The following CAPRIN1 variants were observed in gnomAD, a reference collection of about 807,000 sequenced individuals.
The protein encoded by CAPRIN1 is caprin-1.
Under a neutral mutation model 100.9 loss-of-function variants are expected in CAPRIN1, and 29 were observed. The ratio of observed to expected loss-of-function variants is 0.29; its 90% CI spans 0.21 to 0.39. The LOEUF is 0.39. CAPRIN1 is among the 10% of genes least tolerant of loss of function. CAPRIN1 has a pLI of 1.00. For synonymous variants in CAPRIN1, 338 were observed against 307.5 expected, an observed-to-expected ratio of 1.10 and a Z score of -1.04; for missense variants, 795 against 876.7, an observed-to-expected ratio of 0.91 and a Z score of 1.18.
intron 2 of CAPRIN1, among the ~76,000 whole-genome samples, chr11:34,054,096 C>T (rs536643495): frequency 7.2e-5 from 11 of 152,192 alleles, no homozygotes; most frequent in Middle Eastern, 3.4e-3. Flanking sequence ...ATGTTTAGGT[C>T]TTATTAATTT....
intron 2 of CAPRIN1, chr11:34,056,361 A>G (rs192899224): frequency 1.3e-5 from 2 of 152,362 alleles, no homozygotes; most frequent in East Asian, 3.9e-4. Flanking sequence ...TTTATTTCCT[A>G]ATAATTTGAG....
chr11:34,093,586 A>G (rs979252731), intron 15 of CAPRIN1, among the ~76,000 whole-genome samples: 2 of 152,332 alleles, frequency 1.3e-5, no homozygotes, highest in African/African-American at 4.8e-5. Context: ...GTAAATTCTT[A>G]CACATCCTGT....
Position 34,100,731 on chromosome 11 carries a change from T to A in CAPRIN1, c.*1364T>A, listed in dbSNP as rs1565100793. Reference sequence around the variant, plus strand: ...AGATGCATAGGGAGAGTCTCTAAATTTGATGGAAATGGACACTTGAGTAGT... The same window carrying A: ...AGATGCATAGGGAGAGTCTCTAAATATGATGGAAATGGACACTTGAGTAGT... On this transcript the variant is annotated 3_prime_UTR_variant, in exon 19 of 19. Transcript: ENST00000341394. 1 of 152,586 alleles carries A rather than the reference T, an allele frequency of 6.6e-6. No homozygotes were observed. 9.5% of individuals were successfully genotyped at this position (152,586 alleles called of 1,614,324 possible).
At chr11:34,074,619 A>G (rs1850871639) in intron 4 of CAPRIN1, among the ~76,000 whole-genome samples, 1 of 152,136 alleles carries the variant, frequency 6.6e-6, no homozygotes, top group African/African-American at 2.4e-5. Context: ...GTGGTTGCTC[A>G]CGCCTGTAAC....
intron 4 of CAPRIN1, among the ~76,000 whole-genome samples, chr11:34,075,324 A>C (rs1488960734): frequency 6.6e-6 from 1 of 152,052 alleles, no homozygotes; most frequent in Admixed American, 6.6e-5. Context: ...AAGGGGGAAA[A>C]GGTGGAAAGG....
chr11:34,065,442 G>A (rs1008601375), intron 2 of CAPRIN1, among the ~76,000 whole-genome samples: 1 of 152,188 alleles, frequency 6.6e-6, no homozygotes, highest in African/African-American at 2.4e-5. Flanking sequence ...CAAATTGCTG[G>A]GTTCCCCCAG....
chr11:34,090,465 G>T, intron 13 of CAPRIN1, 64 bp from the exon 14 acceptor site: 1 of 1,548,176 alleles, frequency 6.5e-7, no homozygotes, highest in Non-Finnish European at 8.9e-7. Context: ...TAGTACATCT[G>T]TTCACTTTTT....
intron 4 of CAPRIN1, 131 bp downstream of exon 4, chr11:34,072,118 A>G: frequency 3.3e-6 from 2 of 606,372 alleles, no homozygotes; most frequent in South Asian, 4.5e-5. Context: ...AGATGCCTTC[A>G]CATTCTGTAA....
rs550166036 is a variant in CAPRIN1 at position 34,094,563 on chromosome 11, C to T, written c.1706-1916C>T. Among the ~76,000 whole-genome samples, 37 of 152,222 alleles carry T rather than the reference C, an allele frequency of 2.4e-4. No homozygotes were observed. In the East Asian group the frequency reaches 7.2e-3, roughly 30 times the overall value. ...TGGTGGCTCACGCCTGTAATCCCAG[C>T]TCTTTGGGAGGCCCACTTGAGACCA... On this transcript the variant is annotated intron_variant, in intron 15 of 18. Transcript: ENST00000341394.
At chr11:34,079,364 C>T (rs962203203) in intron 6 of CAPRIN1, among the ~76,000 whole-genome samples, 2 of 152,170 alleles carry the variant, frequency 1.3e-5, no homozygotes. Context: ...AACGCCACTG[C>T]ACTCCAGCCT....
In CAPRIN1 at chr11:34,082,897, C is replaced by T; in HGVS notation, c.879+20C>T. On this transcript the variant is annotated intron_variant, in intron 8 of 18. Coordinates refer to ENST00000341394, the MANE Select transcript of CAPRIN1 (RefSeq NM_005898.5). ...ACAGAGGTATGATTTTAATTTAATG[C>T]TGCCTTTACTTTGCTGCCTTTCAAA... The T allele has an allele frequency of 6.2e-7, 1 of 1,612,928 alleles. No individual in the cohort carries two copies. Among genetic ancestry groups the T allele is most frequent in the Non-Finnish European group, 8.5e-7 (1 of 1,178,932 alleles).
At position 34,102,347 on chromosome 11, in the gene CAPRIN1, G is replaced by C. The variant is rs1851465744; in HGVS notation, c.*2980G>C. On this transcript the variant is annotated 3_prime_UTR_variant, in exon 19 of 19. Coordinates refer to ENST00000341394, the MANE Select transcript of CAPRIN1 (RefSeq NM_005898.5). ...GCCGAATTCAAACCCTTCATTTTATGTTTAAGCTCCTGAATCTGCATTCCA... is the reference window on the plus strand; with the variant it reads ...GCCGAATTCAAACCCTTCATTTTATCTTTAAGCTCCTGAATCTGCATTCCA... 6.6e-6 allele frequency among the ~76,000 whole-genome samples: 1 copy of C among 152,176 alleles called. No individual in the cohort carries two copies. Among genetic ancestry groups the C allele is most frequent in the Non-Finnish European group, 1.5e-5 (1 of 68,026 alleles).
At chr11:34,057,602 C>T (rs550085535) in intron 2 of CAPRIN1, among the ~76,000 whole-genome samples, 9 of 152,080 alleles carry the variant, frequency 5.9e-5, no homozygotes, top group Non-Finnish European at 8.8e-5. Flanking sequence ...AAAACTAACA[C>T]TTTTCCTTTA....
At chr11:34,089,991 AATAT>A (rs2134130131) in intron 12 of CAPRIN1, 184 bp from the exon 13 acceptor site, 4 of 370,896 alleles carry the variant, frequency 1.1e-5, no homozygotes, top group Admixed American at 8.5e-5. Context: ...GAGCTTCAAA[AATAT>A]ATATATTTTT....
chr11:34,091,943 A>G lies in CAPRIN1; in HGVS notation c.1592A>G (p.Glu531Gly). The G allele has an allele frequency of 1.2e-6, 2 of 1,613,928 alleles. No individual in the cohort carries two copies. Among genetic ancestry groups the G allele is most frequent in the Non-Finnish European group, 1.7e-6 (2 of 1,179,924 alleles). Residue 531 changes from glutamate (E) to glycine (G), a missense_variant, in exon 15 of 19, where the codon GAA (glutamate) becomes GGA (glycine). Physicochemically the swap from Glu to Gly is moderately conservative, Grantham distance 98. Coordinates refer to ENST00000341394, the MANE Select transcript of CAPRIN1 (RefSeq NM_005898.5). Reference sequence around the variant, plus strand: ...AATGCCCCAGTTCCTCCTGTTAATGAACCAGAAACTTTAAAACAGCAAAAT... The same window carrying G: ...AATGCCCCAGTTCCTCCTGTTAATGGACCAGAAACTTTAAAACAGCAAAAT... Reference protein sequence around the residue: ...NMNAPVPPVNEPETLKQQNQY... With the variant: ...NMNAPVPPVNGPETLKQQNQY...
chr11:34,074,170 A>G (rs143453226), intron 4 of CAPRIN1, among the ~76,000 whole-genome samples: 1 of 152,318 alleles, frequency 6.6e-6, no homozygotes, highest in African/African-American at 2.4e-5. Flanking sequence ...CACTTAGCTT[A>G]ATGAACCCTG....
chr11:34,097,792 T>C, intron 18 of CAPRIN1, 31 bp downstream of exon 18: 2 of 1,613,740 alleles, frequency 1.2e-6, no homozygotes, highest in Non-Finnish European at 1.7e-6. Flanking sequence ...TCCTAGCTCC[T>C]AAGTGGAGCT....
chr11:34,088,302 C>G (rs976866173), intron 11 of CAPRIN1, among the ~76,000 whole-genome samples: 1 of 151,974 alleles, frequency 6.6e-6, no homozygotes, highest in East Asian at 1.9e-4. Context: ...TGTGCCTGGC[C>G]GAAAAGTACA....
chr11:34,052,560 G>A lies in CAPRIN1; in HGVS notation c.140G>A (p.Gly47Asp). Residue 47 changes from glycine to aspartate, a missense_variant, in exon 2 of 19, where the codon GGC becomes GAC. This residue lies in a region of CAPRIN1 where 109 missense variants were observed against 86.6 expected (regional missense o/e 1.26). Transcript: ENST00000341394. ...TCTCAGCACCCCGCAACCGGCACCG[G>A]CGCTGTCCAGACCGAGGCCATGAAG... ...PASQHPATGT[G>D]AVQTEAMKQI... 6.2e-7 allele frequency: 1 copy of A among 1,610,110 alleles called. No homozygotes were observed. Among genetic ancestry groups the A allele is most frequent in the South Asian group, 1.1e-5 (1 of 90,742 alleles).
Sources: gnomAD v4.1 joint callset for allele counts (sites outside exome capture counted in the v4.1 genomes callset) on GRCh38, gnomAD v4.1.1 for gene constraint, gnomAD v4.1.1 regional missense constraint, MANE v1.5 for transcripts, NCBI Gene and HGNC (gene_info 2026-07-23, HGNC 2026-07-21) for gene names.